Variants in PTPRN2 observed in about 807,000 individuals in gnomAD.
PTPRN2 encodes receptor-type tyrosine-protein phosphatase N2.
PTPRN2 carries 74 observed loss-of-function variants against 118.8 expected under a neutral mutation model. That is an observed-to-expected ratio of 0.62 (90% confidence interval 0.52 to 0.76). The LOEUF is 0.76. Ranked by LOEUF, PTPRN2 falls within the 30% of genes least tolerant of loss-of-function variation. PTPRN2 has a pLI of 0.00. For missense variants in PTPRN2, 1,481 were observed against 1,394.4 expected (o/e 1.06, Z -0.99); for synonymous variants, 641 against 608.0 (o/e 1.05, Z -0.80).
chr7:157,727,759 T>A lies in PTPRN2; in HGVS notation c.1789-44822A>T, dbSNP rs574957855. 5.9e-5 allele frequency among the ~76,000 whole-genome samples: 9 copies of A among 152,298 alleles called. No homozygotes were observed. The East Asian group carries it at 1.7e-3, about 29-fold the overall frequency. ...GCTTGAGAGAACCAGAAGTGTCACG[T>A]AAAGTGTGAGGCGTGAGCCGTGAGC... is the stretch of plus-strand genomic sequence containing the variant. On this transcript the variant is annotated intron_variant, in intron 12 of 22. Coordinates refer to ENST00000389418, the MANE Select transcript of PTPRN2 (RefSeq NM_002847.5).
chr7:158,466,192 T>C (rs1379823396), intron 2 of PTPRN2, among the ~76,000 whole-genome samples: 1 of 152,062 alleles, frequency 6.6e-6, no homozygotes, highest in Non-Finnish European at 1.5e-5. Flanking sequence ...CTGGGCAAAT[T>C]ACCAGTAAAC....
Position 157,548,995 on chromosome 7 carries a change from G to T in PTPRN2, c.2927C>A (p.Ala976Glu), listed in dbSNP as rs1032810490. The T allele has an allele frequency of 3.7e-6, 6 of 1,614,184 alleles. No individual in the cohort carries two copies. Among genetic ancestry groups the T allele is most frequent in the Non-Finnish European group, 5.1e-6 (6 of 1,180,024 alleles). Residue 976 changes from alanine to glutamate, a missense_variant, in exon 22 of 23, where the codon GCG becomes GAG. Ala to Glu is a moderately radical substitution (Grantham distance 107). Transcript: ENST00000389418. ...AKGAKEIDIA[A>E]TLEHLRDQRP... Reference sequence around the variant, plus strand: ...CTGGTCCCTCAAGTGCTCCAGGGTCGCTGCGATATCAATCTCTTTAGCACC... The same window carrying T: ...CTGGTCCCTCAAGTGCTCCAGGGTCTCTGCGATATCAATCTCTTTAGCACC...
At chr7:157,892,925 A>C (rs554860423) in intron 12 of PTPRN2, among the ~76,000 whole-genome samples, 1 of 152,160 alleles carries the variant, frequency 6.6e-6, no homozygotes, top group African/African-American at 2.4e-5. Flanking sequence ...CCCAGCCGTC[A>C]CCTGCATTGC....
At chr7:158,345,572 G>C (rs923667546) in intron 2 of PTPRN2, among the ~76,000 whole-genome samples, 1 of 152,250 alleles carries the variant, frequency 6.6e-6, no homozygotes, top group Non-Finnish European at 1.5e-5. Flanking sequence ...TGGGGCCAAA[G>C]CTGGTGTGGC....
chr7:157,997,166 C>T (rs1804813946), intron 11 of PTPRN2, among the ~76,000 whole-genome samples: 2 of 152,242 alleles, frequency 1.3e-5, no homozygotes, highest in South Asian at 4.1e-4. Flanking sequence ...CCTGCCAGTT[C>T]TGCACAGAGC....
At chr7:157,750,018 G>T (rs1360738349) in intron 12 of PTPRN2, among the ~76,000 whole-genome samples, 1 of 151,892 alleles carries the variant, frequency 6.6e-6, no homozygotes, top group Admixed American at 6.6e-5. Flanking sequence ...TAGACTGTTC[G>T]GGTGACTCTG....
chr7:157,694,342 T>G (rs567398308), intron 12 of PTPRN2, among the ~76,000 whole-genome samples: 12 of 152,312 alleles, frequency 7.9e-5, no homozygotes, highest in African/African-American at 2.6e-4. Context: ...CACGCCTTGG[T>G]GCACCTGCGG....
In PTPRN2 at chr7:157,881,683, G is replaced by A. The variant is rs773793335; in HGVS notation, c.1788+16990C>T. Among the ~76,000 whole-genome samples the A allele has an allele frequency of 6.6e-6, 1 of 151,926 alleles. No homozygotes were observed. The highest frequency in any genetic ancestry group is 6.6e-5 in the Admixed American group (1 of 15,254). Reference sequence around the variant, plus strand: ...TGTTTTCGTGGAACGTTAAGTCCAAGTGCTTGTCAACAGAAGAAAGTTACT... The same window carrying A: ...TGTTTTCGTGGAACGTTAAGTCCAAATGCTTGTCAACAGAAGAAAGTTACT... On this transcript the variant is annotated intron_variant, in intron 12 of 22. Coordinates refer to ENST00000389418, the MANE Select transcript of PTPRN2 (RefSeq NM_002847.5). The surrounding 1 kb of genome is among the most constrained non-coding windows in gnomAD (Gnocchi z 4.7).
chr7:157,934,775 T>C (rs1342106653), intron 11 of PTPRN2, among the ~76,000 whole-genome samples: 1 of 152,228 alleles, frequency 6.6e-6, no homozygotes, highest in Non-Finnish European at 1.5e-5. Context: ...CCTGTGGACC[T>C]GGGTCTCCAA....
Position 158,143,121 on chromosome 7 carries a change from T to C in PTPRN2, c.911-4606A>G, listed in dbSNP as rs563289561. Among the ~76,000 whole-genome samples, 9 of 152,244 alleles carry C rather than the reference T, an allele frequency of 5.9e-5. No homozygotes were observed. The East Asian group carries it at 1.7e-3, about 29-fold the overall frequency. ...CCAGCGATTATCATCGCGACAGTCTTATCTCGCTCGTCCACGTCCACAGGT... is the reference window on the plus strand; with the variant it reads ...CCAGCGATTATCATCGCGACAGTCTCATCTCGCTCGTCCACGTCCACAGGT... On this transcript the variant is annotated intron_variant, in intron 6 of 22. Transcript: ENST00000389418.
intron 3 of PTPRN2, among the ~76,000 whole-genome samples, chr7:158,270,773 CACCTGGACCACCCCT>C (rs1563067100): frequency 3.1e-5 from 4 of 130,254 alleles, no homozygotes; most frequent in Admixed American, 7.3e-5. Flanking sequence ...CCACCCCGTC[CACCTGGACCACCCCT>C]CCACCTGGAC....
intron 11 of PTPRN2, among the ~76,000 whole-genome samples, chr7:158,070,755 GGTGGTGGAGGTGCTC>G (rs1811269803): frequency 6.2e-5 from 8 of 129,112 alleles, no homozygotes; most frequent in South Asian, 2.6e-4. Context: ...AGGTGCCCGT[GGTGGTGGAGGTGCTC>G]ATGGTGGAGG....
chr7:157,540,702 T>C lies in PTPRN2; in HGVS notation c.*12A>G, dbSNP rs2109703. ...GGGGTGGGGGCTCCCCTGAGGCCCC[T>C]GAGGCTGCCGCTCACTGGGGAAGGG... On this transcript the variant is annotated 3_prime_UTR_variant, in exon 23 of 23. Transcript: ENST00000389418. 5.3e-3 allele frequency: 8,182 copies of C among 1,546,812 alleles called. 379 individuals carry two copies. The African/African-American group carries it at 0.099, about 19-fold the overall frequency.
intron 12 of PTPRN2, among the ~76,000 whole-genome samples, chr7:157,761,055 C>T (rs533668036): frequency 1.9e-4 from 28 of 151,108 alleles, no homozygotes; most frequent in Admixed American, 9.2e-4. Context: ...TGTGAAGGAC[C>T]TCTTCAAGGA....
chr7:158,521,890 C>T (rs866429152), intron 1 of PTPRN2, among the ~76,000 whole-genome samples: 7 of 81,216 alleles, frequency 8.6e-5, no homozygotes, highest in Admixed American at 2.8e-4. Context: ...GTGGACTGTC[C>T]AGGTACTGGC....
chr7:157,542,997 C>T (rs1029116151), intron 22 of PTPRN2, among the ~76,000 whole-genome samples: 1 of 152,238 alleles, frequency 6.6e-6, no homozygotes, highest in African/African-American at 2.4e-5. Flanking sequence ...CCTCGAAGGT[C>T]TGTGGCCACG....
chr7:158,319,285 A>G (rs1017655738), intron 2 of PTPRN2, among the ~76,000 whole-genome samples: 31 of 121,440 alleles, frequency 2.6e-4, no homozygotes, highest in Non-Finnish European at 1.7e-5. Context: ...CACCATCCCC[A>G]GTGCATTGTT....
At chr7:158,203,157 A>C (rs865983442) in intron 4 of PTPRN2, among the ~76,000 whole-genome samples, 1 of 145,672 alleles carries the variant, frequency 6.9e-6, no homozygotes, top group Non-Finnish European at 1.5e-5. Flanking sequence ...GCTTGAACCC[A>C]AGAGGTGGAG....
At chr7:158,503,359 G>A (rs1488727665) in intron 1 of PTPRN2, among the ~76,000 whole-genome samples, 1 of 152,224 alleles carries the variant, frequency 6.6e-6, no homozygotes, top group East Asian at 1.9e-4. Context: ...TCACAGCTGT[G>A]TACCATGTGC....
Sources: gnomAD v4.1 joint callset for allele counts (sites outside exome capture counted in the v4.1 genomes callset) on GRCh38, gnomAD v4.1.1 for gene constraint, Gnocchi (gnomAD v3.1) non-coding constraint, MANE v1.5 for transcripts, NCBI Gene and HGNC (gene_info 2026-07-23, HGNC 2026-07-21) for gene names.